Variants in ACSM4 observed in about 807,000 individuals in gnomAD.
ACSM4 encodes acyl-CoA synthetase medium chain family member 4.
Under a neutral mutation model 73.0 loss-of-function variants are expected in ACSM4, and 66 were observed. The ratio of observed to expected loss-of-function variants is 0.90; its 90% CI spans 0.74 to 1.11. The LOEUF is 1.11. Ranked by LOEUF, ACSM4 falls within the 50% of genes least tolerant of loss-of-function variation. ACSM4 has a pLI of 0.00. For synonymous variants in ACSM4, 222 were observed against 254.0 expected (o/e 0.87, Z 1.20); for missense variants, 645 against 714.4 (o/e 0.90, Z 1.11).
intron 3 of ACSM4, among the ~76,000 whole-genome samples, chr12:7,313,586 G>A (rs1946402477): frequency 2.0e-5 from 3 of 152,124 alleles, no homozygotes; most frequent in Admixed American, 2.0e-4. Context: ...TAGGATAATG[G>A]AAAAGGTCAA....
rs1946528665 is a variant in ACSM4, at chr12:7,328,548, C to CA, written c.*180dup. 7.6e-6 allele frequency: 3 copies of CA among 394,832 alleles called. No homozygotes were observed. In the South Asian group the frequency reaches 9.5e-5, roughly 12 times the overall value. The allele number at this position is 394,832 out of a possible 1,614,324, so 24.5% of individuals were successfully genotyped here. On this transcript the variant is annotated 3_prime_UTR_variant, in exon 13 of 13. Transcript: ENST00000399422. Reference sequence around the variant, plus strand: ...AAAGTTTAAAAGTAAATAAAAGCCTCAAAAACGTATGGATGAAAATTGTTA... The same window carrying CA: ...AAAGTTTAAAAGTAAATAAAAGCCTCAAAAAACGTATGGATGAAAATTGTTA...
chr12:7,323,485 A>G lies in ACSM4; in HGVS notation c.1233A>G (p.Leu411=), dbSNP rs1946479985. Reference sequence around the variant, plus strand: ...TTATAGATGAAAATGGCAATGTTCTACCACCTGGCAAAGAAGGGGAAATTG... The same window carrying G: ...TTATAGATGAAAATGGCAATGTTCTGCCACCTGGCAAAGAAGGGGAAATTG... The part of the protein sequence containing the change: ...VQIIDENGNV[L]PPGKEGEIAL... The change falls in exon 9 of 13, where the codon CTA becomes CTG. Residue 411 remains leucine (L), a synonymous_variant. Coordinates refer to ENST00000399422, the MANE Select transcript of ACSM4 (RefSeq NM_001080454.2). 1 of 1,613,812 alleles carries G rather than the reference A, an allele frequency of 6.2e-7. No individual in the cohort carries two copies. The highest frequency in any genetic ancestry group is 1.3e-5 in the African/African-American group (1 of 74,924).
chr12:7,318,135 G>C lies in ACSM4; in HGVS notation c.874G>C (p.Val292Leu). The C allele has an allele frequency of 6.2e-7, 1 of 1,613,810 alleles. No homozygotes were observed. Among genetic ancestry groups the C allele is most frequent in the Non-Finnish European group, 8.5e-7 (1 of 1,179,844 alleles). The stretch of plus-strand genomic sequence containing the variant: ...TTCTTCCTGGCTGTGTGGAGCCTGT[G>C]TTTTTGTGCATCGAATGGCACAGTT... ...VFSSWLCGAC[V>L]FVHRMAQFDT... Residue 292 changes from valine (V) to leucine (L), a missense_variant, in exon 5 of 13, where the codon GTT (valine) becomes CTT (leucine). Coordinates refer to ENST00000399422, the MANE Select transcript of ACSM4 (RefSeq NM_001080454.2).
chr12:7,324,880 G>GT (rs1456214245), intron 11 of ACSM4, among the ~76,000 whole-genome samples: 2 of 151,082 alleles, frequency 1.3e-5, no homozygotes, highest in Non-Finnish European at 2.9e-5. Flanking sequence ...AAGTACTTAA[G>GT]TACAGCCACA....
Position 7,323,564 on chromosome 12 carries a change from T to A in ACSM4, c.1308+4T>A. 2 of 1,610,110 alleles carry A rather than the reference T, an allele frequency of 1.2e-6. No homozygotes were observed. The highest frequency in any genetic ancestry group is 4.5e-5 in the East Asian group (2 of 44,844). Reference sequence around the variant, plus strand: ...CTGTTTCTTCTCTAAATATGTGGTATGAGGATAGAAAGTGCTGGTCATGCT... The same window carrying A: ...CTGTTTCTTCTCTAAATATGTGGTAAGAGGATAGAAAGTGCTGGTCATGCT... On this transcript the variant is annotated splice_donor_region_variant and intron_variant, in intron 9 of 12. Transcript: ENST00000399422.
intron 3 of ACSM4, among the ~76,000 whole-genome samples, chr12:7,314,542 G>GTAGGTAGA (rs769362497): frequency 6.6e-6 from 1 of 152,138 alleles, no homozygotes; most frequent in Non-Finnish European, 1.5e-5. Flanking sequence ...AAGTAGGTAG[G>GTAGGTAGA]TAGGTAGATA....
chr12:7,317,318 C>T (rs1165043384), intron 4 of ACSM4, 38 bp downstream of exon 4: 6 of 1,526,382 alleles, frequency 3.9e-6, no homozygotes, highest in Non-Finnish European at 4.4e-6. Context: ...GGTGAACTCC[C>T]CCAAAGCTGC....
intron 3 of ACSM4, among the ~76,000 whole-genome samples, chr12:7,315,968 T>C (rs1245074499): frequency 1.3e-5 from 2 of 152,146 alleles, no homozygotes; most frequent in Non-Finnish European, 2.9e-5. Flanking sequence ...GCAGGGAAAA[T>C]GAAAACTATG....
intron 2 of ACSM4, 21 bp downstream of exon 2, chr12:7,306,764 T>A: frequency 6.3e-7 from 1 of 1,587,126 alleles, no homozygotes; most frequent in Non-Finnish European, 8.6e-7. Flanking sequence ...ATATTAGCAT[T>A]CTAAATCACA....
intron 5 of ACSM4, chr12:7,318,611 C>T (rs1410697941): frequency 6.4e-6 from 1 of 155,232 alleles, no homozygotes; most frequent in African/African-American, 2.4e-5. Flanking sequence ...CTCTTATTCT[C>T]CCCCAGCCTA....
At chr12:7,315,505 G>A in intron 3 of ACSM4, among the ~76,000 whole-genome samples, 1 of 152,062 alleles carries the variant, frequency 6.6e-6, no homozygotes, top group East Asian at 1.9e-4. Context: ...TCAGCTACTT[G>A]GGAGGCTGAG....
chr12:7,323,348 A>G (rs1332932487), intron 8 of ACSM4, 34 bp downstream of exon 8: 1 of 1,600,856 alleles, frequency 6.2e-7, no homozygotes, highest in Admixed American at 1.7e-5. Context: ...GGTTCAGTAA[A>G]GGAGAGAGAA....
In ACSM4 at chr12:7,323,502, G is replaced by A; in HGVS notation, c.1250G>A (p.Gly417Glu). The change falls in exon 9 of 13, where the codon GGG becomes GAG. Residue 417 changes from glycine to glutamate, a missense_variant. Physicochemically the swap from Gly to Glu is moderately conservative, Grantham distance 98. Coordinates refer to ENST00000399422, the MANE Select transcript of ACSM4 (RefSeq NM_001080454.2). ...AATGTTCTACCACCTGGCAAAGAAG[G>A]GGAAATTGCCCTCAGACTCAAACCT... ...NGNVLPPGKEGEIALRLKPTR... is the reference protein window; with the variant it reads ...NGNVLPPGKEEEIALRLKPTR... The A allele has an allele frequency of 6.2e-7, 1 of 1,613,850 alleles. No homozygotes were observed. Among genetic ancestry groups the A allele is most frequent in the Non-Finnish European group, 8.5e-7 (1 of 1,179,824 alleles).
intron 2 of ACSM4, among the ~76,000 whole-genome samples, chr12:7,308,319 T>C (rs1434000027): frequency 1.3e-5 from 2 of 152,170 alleles, no homozygotes; most frequent in African/African-American, 4.8e-5. Flanking sequence ...ATGAAATGTA[T>C]AAAATAATAG....
intron 1 of ACSM4, among the ~76,000 whole-genome samples, chr12:7,305,117 T>C (rs1385414661): frequency 2.0e-5 from 3 of 152,188 alleles, no homozygotes; most frequent in Non-Finnish European, 2.9e-5. Flanking sequence ...TTAAATAACA[T>C]TGAATCAATT....
At chr12:7,315,209 A>T (rs2136331524) in intron 3 of ACSM4, among the ~76,000 whole-genome samples, 1 of 152,128 alleles carries the variant, frequency 6.6e-6, no homozygotes, top group African/African-American at 2.4e-5. Flanking sequence ...AAAAAAAAAA[A>T]AAATCCTCAC....
intron 4 of ACSM4, among the ~76,000 whole-genome samples, chr12:7,317,731 A>C (rs145781313): frequency 5.8e-4 from 89 of 152,346 alleles, no homozygotes; most frequent in African/African-American, 2.0e-3. Flanking sequence ...TACCTTGCTC[A>C]CTGCTGTAGA....
At chr12:7,309,288 C>T (rs2136329068) in intron 2 of ACSM4, among the ~76,000 whole-genome samples, 1 of 152,292 alleles carries the variant, frequency 6.6e-6, no homozygotes, top group South Asian at 2.1e-4. Context: ...AGGGCTGGCT[C>T]TGCCACTCAC....
chr12:7,327,110 C>T lies in ACSM4; in HGVS notation c.1656+15C>T. 4.4e-6 allele frequency: 7 copies of T among 1,584,706 alleles called. No individual in the cohort carries two copies. The highest frequency in any genetic ancestry group is 5.1e-6 in the Non-Finnish European group (6 of 1,165,774). ...ATCCAAGAAAGGCAAGTGCTTTGCCCAAAAGTTAAGTTTGGATGTTACCAA... is the reference window on the plus strand; with the variant it reads ...ATCCAAGAAAGGCAAGTGCTTTGCCTAAAAGTTAAGTTTGGATGTTACCAA... On this transcript the variant is annotated intron_variant, in intron 12 of 12. Coordinates refer to ENST00000399422, the MANE Select transcript of ACSM4 (RefSeq NM_001080454.2).
Sources: allele counts gnomAD v4.1 joint callset (sites outside exome capture counted in the v4.1 genomes callset), GRCh38; gene constraint gnomAD v4.1.1; transcripts MANE v1.5; gene names NCBI Gene and HGNC (gene_info 2026-07-23, HGNC 2026-07-21).